Variants in DIABLO observed in about 807,000 individuals in gnomAD.
DIABLO encodes the protein diablo homolog, mitochondrial.
A neutral mutation model predicts 31.7 loss-of-function variants in DIABLO; 32 were observed. The ratio of observed to expected loss-of-function variants is 1.01; its 90% CI spans 0.76 to 1.35. DIABLO has a LOEUF of 1.35. Ranked by LOEUF, DIABLO falls within the 40% of genes most tolerant of loss-of-function variation. The probability of loss-of-function intolerance (pLI) is 0.00; values close to 1 mark genes in which losing one functional copy is unlikely to be tolerated. For synonymous variants in DIABLO, 132 were observed against 103.2 expected, an observed-to-expected ratio of 1.28 and a Z score of -1.69; for missense variants, 316 against 286.4, an observed-to-expected ratio of 1.10 and a Z score of -0.75.
At chr12:122,219,387 A>T (rs1325625060) in intron 2 of DIABLO, among the ~76,000 whole-genome samples, 1 of 152,208 alleles carries the variant, frequency 6.6e-6, no homozygotes, top group Non-Finnish European at 1.5e-5. Flanking sequence ...AGGGGTAGAG[A>T]GAGCAGGATG....
At chr12:122,209,570 C>T (rs1954030669) in intron 5 of DIABLO, 8 of 549,790 alleles carry the variant, frequency 1.5e-5, no homozygotes, top group Non-Finnish European at 2.6e-5. Flanking sequence ...GAGCCTGAAG[C>T]AGGAGAATTG....
chr12:122,216,445 T>C, intron 5 of DIABLO, 43 bp downstream of exon 5: 1 of 1,527,012 alleles, frequency 6.5e-7, no homozygotes, highest in Non-Finnish European at 9.0e-7. Flanking sequence ...ACCTTCCTAG[T>C]TAAAAAATTA....
At chr12:122,226,841 C>A (rs1468212318), upstream of DIABLO, among the ~76,000 whole-genome samples, 5 of 152,252 alleles carry the variant, frequency 3.3e-5, no homozygotes, top group African/African-American at 1.2e-4. Context: ...CATGAGTTTT[C>A]CTCCCTGGCC....
In DIABLO at chr12:122,208,430, C is replaced by G. The variant is rs1243741310; in HGVS notation, c.671G>C (p.Gly224Ala). Reference sequence around the variant, plus strand: ...CTGCTCCGACTCAGCCCGCTCCTCCCCTTCCTCCTGTGTTTTCTGACGGAG... The same window carrying G: ...CTGCTCCGACTCAGCCCGCTCCTCCGCTTCCTCCTGTGTTTTCTGACGGAG... ...EELRQKTQEE[G>A]EERAESEQEA... The change falls in exon 6 of 6, where the codon GGG becomes GCG. Residue 224 changes from glycine to alanine, a missense_variant. Physicochemically the swap from Gly to Ala is moderately conservative, Grantham distance 60. Coordinates refer to ENST00000464942, the MANE Select transcript of DIABLO (RefSeq NM_001371333.1). 1 of 1,613,898 alleles carries G rather than the reference C, an allele frequency of 6.2e-7. No individual in the cohort carries two copies. Among genetic ancestry groups the G allele is most frequent in the Non-Finnish European group, 8.5e-7 (1 of 1,180,038 alleles).
chr12:122,216,277 A>T lies in DIABLO; in HGVS notation c.523+211T>A, dbSNP rs373558431. On this transcript the variant is annotated intron_variant, in intron 5 of 5. Transcript: ENST00000464942. ...ATTTTGAAGACATAACCTAGCTTCT[A>T]CTGGTCTGGTCTGCAAGGGTATGCT... 2.0e-5 allele frequency among the ~76,000 whole-genome samples: 3 copies of T among 152,242 alleles called. No homozygotes were observed. In the East Asian group the frequency reaches 5.8e-4, roughly 29 times the overall value.
chr12:122,217,559 G>C (rs934015074), intron 3 of DIABLO: 1 of 154,642 alleles, frequency 6.5e-6, no homozygotes, highest in African/African-American at 2.4e-5. Flanking sequence ...ATGTCACCCA[G>C]ACGGAAGTGC....
intron 5 of DIABLO, chr12:122,209,699 G>T: frequency 2.8e-5 from 19 of 684,070 alleles, no homozygotes; most frequent in South Asian, 1.3e-4. Context: ...CATTTTACCT[G>T]CTGCTAGTTA....
At chr12:122,226,351 T>G (rs1320897489), upstream of DIABLO, 1 of 572,100 alleles carries the variant, frequency 1.7e-6, no homozygotes, top group South Asian at 1.6e-5. Flanking sequence ...GAAGGGAATT[T>G]CCTGGTGAGT....
At position 122,216,801 on chromosome 12, in the gene DIABLO, C is replaced by T. The variant is rs1400208384; in HGVS notation, c.384G>A (p.Glu128=). The T allele has an allele frequency of 2.5e-6, 4 of 1,614,074 alleles. No individual in the cohort carries two copies. The highest frequency in any genetic ancestry group is 4.5e-5 in the East Asian group (2 of 44,888). The change falls in exon 4 of 6, where the codon GAG becomes GAA. Residue 128 remains glutamate (E), a synonymous_variant. Coordinates refer to ENST00000464942, the MANE Select transcript of DIABLO (RefSeq NM_001371333.1). ...TGATCACCTGCCACACTTCATCTTC[C>T]TCCTCTGAATTCATTTTCCCAAGTA... ...TSLLGKMNSE[E]EDEVWQVIIG... is the part of the protein sequence containing the mutation.
chr12:122,215,492 T>C (rs1193371081), intron 5 of DIABLO, among the ~76,000 whole-genome samples: 2 of 152,200 alleles, frequency 1.3e-5, no homozygotes, highest in East Asian at 1.9e-4. Context: ...TAATCCCAGC[T>C]ACTTGGGAGG....
At chr12:122,226,158 G>T, upstream of DIABLO, 1 of 1,258,130 alleles carries the variant, frequency 7.9e-7, no homozygotes, top group Non-Finnish European at 1.1e-6. Context: ...GGCAGGCAGG[G>T]GGAAAGGGGG....
upstream of DIABLO, chr12:122,226,570 T>C (rs1447667242): frequency 5.7e-6 from 4 of 697,426 alleles, no homozygotes; most frequent in African/African-American, 1.8e-5. Flanking sequence ...GGCATCGCGC[T>C]GCGCGGGAGC....
chr12:122,225,832 G>C, intron 1 of DIABLO, 133 bp downstream of exon 1: 1 of 1,514,412 alleles, frequency 6.6e-7, no homozygotes, highest in Non-Finnish European at 8.8e-7. Context: ...CGACCGGAGC[G>C]AGACGCCGCG....
chr12:122,208,961 A>C (rs1325574470), intron 5 of DIABLO: 1 of 362,102 alleles, frequency 2.8e-6, no homozygotes, highest in Non-Finnish European at 5.4e-6. Flanking sequence ...CATCACCTTG[A>C]CTAATCTTTA....
In DIABLO at chr12:122,219,615, G is replaced by C. The variant is rs1954290513; in HGVS notation, c.184-1218C>G. On this transcript the variant is annotated intron_variant, in intron 2 of 5. Transcript: ENST00000464942. ...CTAACGCCTGTAATCCCAATAGTTT[G>C]GGAGGCCGAGGCGGGTGGATCACAA... Among the ~76,000 whole-genome samples, 3 of 152,108 alleles carry C rather than the reference G, an allele frequency of 2.0e-5. No homozygotes were observed. In the South Asian group the frequency reaches 6.2e-4, roughly 32 times the overall value.
chr12:122,220,909 A>G (rs1291432491), intron 2 of DIABLO: 2 of 152,264 alleles, frequency 1.3e-5, no homozygotes, highest in Non-Finnish European at 2.9e-5. Context: ...CAATATTCTG[A>G]TAAGTCTTCA....
chr12:122,218,104 G>A lies in DIABLO; in HGVS notation c.315+162C>T, dbSNP rs975024047. Among the ~76,000 whole-genome samples the A allele has an allele frequency of 5.9e-5, 9 of 152,010 alleles. 1 individual carries two copies. The highest frequency in any genetic ancestry group is 1.2e-4 in the Non-Finnish European group (8 of 68,036). The stretch of plus-strand genomic sequence containing the variant: ...CTTTGTGGGCCTTACAGCCTCTGTT[G>A]AAACTACTCAAATCCTCAAAAACCG... On this transcript the variant is annotated intron_variant, in intron 3 of 5. Coordinates refer to ENST00000464942, the MANE Select transcript of DIABLO (RefSeq NM_001371333.1).
chr12:122,216,118 T>TCA (rs1382643067), intron 5 of DIABLO, among the ~76,000 whole-genome samples: 2 of 152,316 alleles, frequency 1.3e-5, no homozygotes, highest in African/African-American at 4.8e-5. Flanking sequence ...ACAAAAAGGT[T>TCA]CACATAGATT....
chr12:122,217,178 C>T (rs1359848572), intron 3 of DIABLO: 3 of 359,614 alleles, frequency 8.3e-6, no homozygotes, highest in South Asian at 4.7e-5. Flanking sequence ...AACAAATGCA[C>T]AAATGAGACT....
Sources: gnomAD v4.1 joint callset for allele counts (sites outside exome capture counted in the v4.1 genomes callset) on GRCh38, gnomAD v4.1.1 for gene constraint, MANE v1.5 for transcripts, NCBI Gene and HGNC (gene_info 2026-07-23, HGNC 2026-07-21) for gene names.